Variants in RAPGEF4 observed in about 807,000 individuals in gnomAD.
RAPGEF4 encodes the protein Rap guanine nucleotide exchange factor 4.
RAPGEF4 carries 66 observed loss-of-function variants against 147.9 expected under a neutral mutation model. The ratio of observed to expected loss-of-function variants is 0.45; its 90% confidence interval spans 0.37 to 0.55. RAPGEF4 has a LOEUF of 0.55. Ranked by LOEUF, RAPGEF4 falls within the 20% of genes least tolerant of loss-of-function variation. The pLI is 0.00. For synonymous variants in RAPGEF4, 419 were observed against 442.7 expected (o/e 0.95, Z 0.67); for missense variants, 1,071 against 1,257.3 (o/e 0.85, Z 2.24).
intron 23 of RAPGEF4, among the ~76,000 whole-genome samples, chr2:173,021,544 C>T (rs538526583): frequency 2.0e-5 from 3 of 152,140 alleles, no homozygotes; most frequent in Non-Finnish European, 2.9e-5. Flanking sequence ...GCCAAGATGG[C>T]GCCACTGCAC....
chr2:173,000,430 G>A (rs1158160388), intron 16 of RAPGEF4, among the ~76,000 whole-genome samples: 1 of 152,146 alleles, frequency 6.6e-6, no homozygotes, highest in Non-Finnish European at 1.5e-5. Flanking sequence ...GAAATGTCAT[G>A]GCATCTTGGG....
chr2:172,755,141 C>T (rs374709984), intron 1 of RAPGEF4, among the ~76,000 whole-genome samples: 12 of 152,076 alleles, frequency 7.9e-5, no homozygotes, highest in African/African-American at 2.7e-4. Flanking sequence ...TTGCTGATGC[C>T]GGGCTACATT....
intron 10 of RAPGEF4, among the ~76,000 whole-genome samples, chr2:172,982,414 G>A (rs1691783464): frequency 6.6e-6 from 1 of 152,110 alleles, no homozygotes; most frequent in Non-Finnish European, 1.5e-5. Context: ...TATATACATT[G>A]TCTCTCAGTT....
chr2:173,039,791 A>G (rs923352232), intron 29 of RAPGEF4, among the ~76,000 whole-genome samples: 1 of 152,198 alleles, frequency 6.6e-6, no homozygotes, highest in African/African-American at 2.4e-5. Flanking sequence ...TATGAAAGAG[A>G]AGGGAAGAAA....
intron 3 of RAPGEF4, among the ~76,000 whole-genome samples, chr2:172,803,529 C>G (rs951404227): frequency 6.6e-6 from 1 of 152,220 alleles, no homozygotes; most frequent in Admixed American, 6.5e-5. Context: ...TTTTTTCCTC[C>G]TAGGCCTCTG....
intron 4 of RAPGEF4, among the ~76,000 whole-genome samples, chr2:172,848,909 A>G (rs185277752): frequency 6.6e-6 from 1 of 152,304 alleles, no homozygotes; most frequent in Admixed American, 6.5e-5. Flanking sequence ...AGAAGGCTCA[A>G]TTAGTGAAAA....
chr2:172,803,042 G>T (rs1312763033), intron 3 of RAPGEF4, among the ~76,000 whole-genome samples: 1 of 152,160 alleles, frequency 6.6e-6, no homozygotes, highest in Admixed American at 6.5e-5. Context: ...CCTCCCTTCT[G>T]GTTGCTTTCA....
At chr2:172,930,487 A>G (rs142859450) in intron 6 of RAPGEF4, among the ~76,000 whole-genome samples, 2 of 152,228 alleles carry the variant, frequency 1.3e-5, no homozygotes, top group East Asian at 3.9e-4. Context: ...ATAATTACCC[A>G]ATCAATACTC....
At chr2:172,860,407 C>A in intron 4 of RAPGEF4, 1 of 728,302 alleles carries the variant, frequency 1.4e-6, no homozygotes, top group Non-Finnish European at 1.7e-6. Flanking sequence ...TGTTTATTTA[C>A]AGAAGTAGAC....
At chr2:172,802,843 G>C (rs568177334) in intron 3 of RAPGEF4, among the ~76,000 whole-genome samples, 14 of 152,232 alleles carry the variant, frequency 9.2e-5, no homozygotes, top group Non-Finnish European at 1.8e-4. Flanking sequence ...CCAAATGGGA[G>C]AAATTGGCCA....
chr2:173,005,525 T>TTG (rs1694365366), intron 17 of RAPGEF4, among the ~76,000 whole-genome samples: 1 of 132,436 alleles, frequency 7.6e-6, no homozygotes, highest in Non-Finnish European at 1.6e-5. Context: ...TTTGTGTTTT[T>TTG]TTTTTTTTTT....
At chr2:172,915,323 G>A (rs964673892) in intron 4 of RAPGEF4, among the ~76,000 whole-genome samples, 1 of 152,148 alleles carries the variant, frequency 6.6e-6, no homozygotes, top group Non-Finnish European at 1.5e-5. Context: ...TTTTTTAGCT[G>A]TGATAATGGT....
intron 6 of RAPGEF4, among the ~76,000 whole-genome samples, chr2:172,952,533 A>C (rs975992231): frequency 6.6e-6 from 1 of 152,232 alleles, no homozygotes; most frequent in African/African-American, 2.4e-5. Context: ...TGGCTTGTGT[A>C]CATCTCTTAG....
chr2:172,939,361 A>G (rs1686918334), intron 6 of RAPGEF4, among the ~76,000 whole-genome samples: 1 of 152,188 alleles, frequency 6.6e-6, no homozygotes, highest in African/African-American at 2.4e-5. Flanking sequence ...ATAGATATGT[A>G]GTGGTATCTC....
intron 17 of RAPGEF4, among the ~76,000 whole-genome samples, chr2:173,004,602 T>C (rs1288541260): frequency 6.6e-6 from 1 of 152,100 alleles, no homozygotes; most frequent in Non-Finnish European, 1.5e-5. Flanking sequence ...ATTTTGTGAC[T>C]ATCTTTTTAT....
chr2:172,784,950 C>G (rs1274920538), intron 1 of RAPGEF4, among the ~76,000 whole-genome samples: 1 of 152,078 alleles, frequency 6.6e-6, no homozygotes, highest in Non-Finnish European at 1.5e-5. Flanking sequence ...CTCAGCCTCC[C>G]GAGTAGCTGG....
At chr2:172,797,844 A>C (rs1051968090) in intron 3 of RAPGEF4, among the ~76,000 whole-genome samples, 1 of 152,228 alleles carries the variant, frequency 6.6e-6, no homozygotes, top group Non-Finnish European at 1.5e-5. Flanking sequence ...ATGCAAGAAC[A>C]CATTGGGGCT....
intron 16 of RAPGEF4, among the ~76,000 whole-genome samples, chr2:172,999,244 G>C (rs1488129744): frequency 6.6e-6 from 1 of 152,110 alleles, no homozygotes; most frequent in African/African-American, 2.4e-5. Context: ...AGTTTTTCCT[G>C]ATATTTTTTT....
At chr2:172,858,859 G>A (rs1050273180) in intron 4 of RAPGEF4, among the ~76,000 whole-genome samples, 2 of 152,184 alleles carry the variant, frequency 1.3e-5, no homozygotes, top group Admixed American at 1.3e-4. Context: ...GAAAAACGCT[G>A]AGAAGCATAA....
Sources: gnomAD v4.1 joint callset for allele counts (sites outside exome capture counted in the v4.1 genomes callset) on GRCh38, gnomAD v4.1.1 for gene constraint, MANE v1.5 for transcripts, NCBI Gene and HGNC (gene_info 2026-07-23, HGNC 2026-07-21) for gene names.